ARID4B: variants seen among roughly 807,000 people sequenced by gnomAD.
ARID4B encodes the protein AT-rich interactive domain-containing protein 4B.
Under a neutral mutation model 147.5 loss-of-function variants are expected in ARID4B, and 26 were observed. The observed-to-expected ratio is 0.18, with a 90% CI of 0.13 to 0.24. The LOEUF (loss-of-function observed/expected upper bound fraction) is 0.24, where lower values mean the gene tolerates loss of function less well. ARID4B is among the 10% of genes least tolerant of loss of function. ARID4B has a pLI of 1.00. For missense variants in ARID4B, 1,179 were observed against 1,511.5 expected (o/e 0.78, Z 3.65); for synonymous variants, 512 against 507.9 (o/e 1.01, Z -0.11).
Position 235,224,696 on chromosome 1 carries a change from TACTC to T in ARID4B, c.970+3_970+6del. The T allele has an allele frequency of 6.4e-7, 1 of 1,553,250 alleles. No individual in the cohort carries two copies. The highest frequency in any genetic ancestry group is 8.8e-7 in the Non-Finnish European group (1 of 1,130,338). ...TACCACGTTAATGATAAATAAAAAA[TACTC>T]ACCTCTATCTTCCATAAATTTGTAC... On this transcript the variant is annotated splice_donor_5th_base_variant and intron_variant, in intron 12 of 23. Transcript: ENST00000264183.
chr1:235,170,534 C>T (rs559528472), intron 23 of ARID4B, among the ~76,000 whole-genome samples: 3 of 151,942 alleles, frequency 2.0e-5, no homozygotes, highest in Admixed American at 2.0e-4. Flanking sequence ...GTCAGGAGAT[C>T]GAGACCATCC....
intron 2 of ARID4B, among the ~76,000 whole-genome samples, chr1:235,268,752 G>A (rs1003427722): frequency 3.9e-5 from 6 of 152,046 alleles, no homozygotes; most frequent in Non-Finnish European, 7.4e-5. Flanking sequence ...TCCCGACTTC[G>A]TGATCCACCC....
chr1:235,189,113 T>C (rs1664894222), intron 19 of ARID4B, among the ~76,000 whole-genome samples: 3 of 152,000 alleles, frequency 2.0e-5, no homozygotes, highest in Admixed American at 6.5e-5. Flanking sequence ...AAAATATTCA[T>C]TGAAAGGCTG....
At chr1:235,187,424 C>T (rs1291391165) in intron 19 of ARID4B, among the ~76,000 whole-genome samples, 1 of 152,142 alleles carries the variant, frequency 6.6e-6, no homozygotes, top group African/African-American at 2.4e-5. Context: ...CTGAGATTAA[C>T]AAGAGATGAT....
intron 17 of ARID4B, among the ~76,000 whole-genome samples, chr1:235,204,179 GGGCATGGT>G (rs1443048974): frequency 6.6e-6 from 1 of 152,064 alleles, no homozygotes; most frequent in Non-Finnish European, 1.5e-5. Context: ...AAAATTAGCC[GGGCATGGT>G]GGCACACGCC....
chr1:235,216,452 A>G (rs939125456), intron 16 of ARID4B, among the ~76,000 whole-genome samples: 3 of 152,002 alleles, frequency 2.0e-5, no homozygotes, highest in Admixed American at 6.6e-5. Context: ...GGTTCAACCA[A>G]TTCTCCTGCT....
At chr1:235,212,974 C>T (rs1163164106) in intron 17 of ARID4B, among the ~76,000 whole-genome samples, 1 of 152,102 alleles carries the variant, frequency 6.6e-6, no homozygotes, top group Non-Finnish European at 1.5e-5. Flanking sequence ...GTCTTATAGG[C>T]TACATTTCAA....
At position 235,168,513 on chromosome 1, in the gene ARID4B, C is replaced by G; in HGVS notation, c.*12G>C. 6.2e-7 allele frequency: 1 copy of G among 1,613,470 alleles called. No homozygotes were observed. The highest frequency in any genetic ancestry group is 8.5e-7 in the Non-Finnish European group (1 of 1,179,654). ...AGCCATTAAGTGCAAAGTGCTTTAG[C>G]AAGTCCTGCTGTCACCTGCACTCAA... On this transcript the variant is annotated 3_prime_UTR_variant, in exon 24 of 24. Coordinates refer to ENST00000264183, the MANE Select transcript of ARID4B (RefSeq NM_016374.6).
chr1:235,279,459 C>A (rs1005682613), intron 2 of ARID4B, among the ~76,000 whole-genome samples: 52 of 151,948 alleles, frequency 3.4e-4, no homozygotes, highest in African/African-American at 1.2e-3. Context: ...TAAAATACGG[C>A]CATAAAGGCA....
At chr1:235,243,574 A>G (rs183530811) in intron 7 of ARID4B, among the ~76,000 whole-genome samples, 67 of 152,298 alleles carry the variant, frequency 4.4e-4, no homozygotes, top group African/African-American at 1.5e-3. Flanking sequence ...CAATCACTTA[A>G]AGCTGATCAC....
At chr1:235,258,603 A>G (rs1670121406) in intron 3 of ARID4B, among the ~76,000 whole-genome samples, 1 of 152,230 alleles carries the variant, frequency 6.6e-6, no homozygotes, top group Non-Finnish European at 1.5e-5. Context: ...TTCTCTAACA[A>G]GGGAAAAGAG....
chr1:235,326,455 C>A (rs1400443182), intron 2 of ARID4B, among the ~76,000 whole-genome samples: 3 of 152,090 alleles, frequency 2.0e-5, no homozygotes, highest in East Asian at 3.9e-4. Context: ...CACAAAAATT[C>A]TCTTTTTAAA....
chr1:235,170,922 A>AAC (rs1292136565), intron 23 of ARID4B, among the ~76,000 whole-genome samples: 5 of 150,748 alleles, frequency 3.3e-5, no homozygotes, highest in African/African-American at 1.2e-4. Flanking sequence ...AAAAAAAAAA[A>AAC]AAAAAAAAAA....
chr1:235,323,739 G>A (rs1290392686), intron 2 of ARID4B, among the ~76,000 whole-genome samples: 3 of 151,208 alleles, frequency 2.0e-5, no homozygotes, highest in South Asian at 2.1e-4. Flanking sequence ...AGCCGAGATC[G>A]CACCACTGCA....
intron 19 of ARID4B, among the ~76,000 whole-genome samples, chr1:235,192,909 T>C (rs977694258): frequency 6.6e-6 from 1 of 152,040 alleles, no homozygotes; most frequent in African/African-American, 2.4e-5. Context: ...ATCCAGACCA[T>C]GGTGAAACCC....
chr1:235,283,323 A>T (rs1407197136), intron 2 of ARID4B, among the ~76,000 whole-genome samples: 1 of 152,296 alleles, frequency 6.6e-6, no homozygotes, highest in Non-Finnish European at 1.5e-5. Context: ...ACACCCTCTT[A>T]AAAAAACCTA....
rs1664396350 is a variant in ARID4B, at chr1:235,182,640, A to C, written c.2279T>G (p.Leu760Arg). 1.2e-6 allele frequency: 2 copies of C among 1,613,632 alleles called. No homozygotes were observed. Among genetic ancestry groups the C allele is most frequent in the Non-Finnish European group, 1.7e-6 (2 of 1,180,008 alleles). Reference protein sequence around the residue: ...SKEEQNSSSLLEENKVHADLV... With the variant: ...SKEEQNSSSLREENKVHADLV... ...ATCTGCATGAACTTTGTTTTCTTCT[A>C]GCAAAGATGAACTGTTCTGTTCCTC... The change falls in exon 20 of 24, where the codon CTA (leucine) becomes CGA (arginine). Residue 760 changes from leucine (L) to arginine (R), a missense_variant. Leu to Arg is a moderately radical substitution (Grantham distance 102). Around this residue, in one of 10 missense-constraint regions of ARID4B, gnomAD observed 321 missense variants for 342.4 expected, o/e 0.94. Coordinates refer to ENST00000264183, the MANE Select transcript of ARID4B (RefSeq NM_016374.6).
chr1:235,267,358 A>G (rs750088242), intron 2 of ARID4B, among the ~76,000 whole-genome samples: 2 of 152,186 alleles, frequency 1.3e-5, no homozygotes, highest in Non-Finnish European at 2.9e-5. Flanking sequence ...ATCTATGAAA[A>G]CAGCCTATTT....
intron 20 of ARID4B, among the ~76,000 whole-genome samples, chr1:235,178,120 T>A (rs992588906): frequency 6.6e-6 from 1 of 152,152 alleles, no homozygotes; most frequent in Non-Finnish European, 1.5e-5. Flanking sequence ...TCAGGGTTTT[T>A]AAAAAGGCAA....
Sources: gnomAD v4.1 joint callset for allele counts (sites outside exome capture counted in the v4.1 genomes callset) on GRCh38, gnomAD v4.1.1 for gene constraint, gnomAD v4.1.1 regional missense constraint, MANE v1.5 for transcripts, NCBI Gene and HGNC (gene_info 2026-07-23, HGNC 2026-07-21) for gene names.